KRT17: variants seen among roughly 807,000 people sequenced by gnomAD.
The protein encoded by KRT17 is keratin, type I cytoskeletal 17.
Under a neutral mutation model 45.6 loss-of-function variants are expected in KRT17, and 29 were observed. The observed-to-expected ratio is 0.64, with a 90% CI of 0.47 to 0.87. KRT17 has a LOEUF of 0.87. Among genes scored for constraint, KRT17 ranks in the 40% least tolerant of loss-of-function variants. The pLI is 0.00. For missense variants in KRT17, 536 were observed against 577.8 expected, an observed-to-expected ratio of 0.93 and a Z score of 0.74; for synonymous variants, 219 against 234.6, an observed-to-expected ratio of 0.93 and a Z score of 0.61.
chr17:41,620,510 A>G, intron 7 of KRT17, 26 bp downstream of exon 7: 5 of 1,611,696 alleles, frequency 3.1e-6, no homozygotes, highest in Non-Finnish European at 4.2e-6. Context: ...CCCAACCCCC[A>G]GGGCCGAAGC....
chr17:41,621,518 G>T (rs555535320), intron 4 of KRT17, 75 bp downstream of exon 4: 14 of 1,571,946 alleles, frequency 8.9e-6, no homozygotes, highest in African/African-American at 1.4e-5. Context: ...ACATCTGGCC[G>T]TGGGCTTACT....
rs1271852814 is a variant in KRT17, at chr17:41,622,383, A to C, written c.644T>G (p.Leu215Arg). ...CTCGTGGTTCTTCTTCAGGTAGGCCAGCTCCTCCTTGAGGTTCTCAATCTG... is the reference window on the plus strand; with the variant it reads ...CTCGTGGTTCTTCTTCAGGTAGGCCCGCTCCTCCTTGAGGTTCTCAATCTG... ...EMQIENLKEELAYLKKNHEEE... is the reference protein window; with the variant it reads ...EMQIENLKEERAYLKKNHEEE... The change falls in exon 3 of 8, where the codon CTG becomes CGG. Residue 215 changes from leucine to arginine, a missense_variant. Transcript: ENST00000311208. 1.9e-6 allele frequency: 3 copies of C among 1,613,808 alleles called. No homozygotes were observed. The highest frequency in any genetic ancestry group is 2.5e-6 in the Non-Finnish European group (3 of 1,180,036).
chr17:41,624,280 T>G lies in KRT17; in HGVS notation c.230A>C (p.Asp77Ala). 6.2e-7 allele frequency: 1 copy of G among 1,612,416 alleles called. No homozygotes were observed. Among genetic ancestry groups the G allele is most frequent in the Non-Finnish European group, 8.5e-7 (1 of 1,179,994 alleles). Residue 77 changes from aspartate (D) to alanine (A), a missense_variant, in exon 1 of 8, where the codon GAT becomes GCT. Transcript: ENST00000311208. ...CTTCTCACCTCCAGCCAGCAGCCCA[T>G]CAACACCCCCAAAGCTGCTGCCATA... ...GGYGSSFGGV[D>A]GLLAGGEKAT... is the part of the protein sequence containing the mutation.
At position 41,620,372 on chromosome 17, in the gene KRT17, A is replaced by C. The variant is rs372458722; in HGVS notation, c.1204+164T>G. 175 of 985,024 alleles carry C rather than the reference A, an allele frequency of 1.8e-4. 3 individuals are homozygous for C. In the South Asian group the frequency reaches 7.3e-3, roughly 41 times the overall value. 61.0% of individuals were successfully genotyped at this position (985,024 alleles called of 1,614,324 possible). A position where few individuals can be genotyped will look rare whatever the true frequency, so the allele number is the denominator to read the frequency against. ...GACCAGACAGTGTCTCTCTCATTTG[A>C]TCTTTTCCTGAGTATCAATCCTCAG... On this transcript the variant is annotated intron_variant, in intron 7 of 7. Transcript: ENST00000311208.
At chr17:41,622,929 A>G in intron 2 of KRT17, 21 bp downstream of exon 2, 4 of 1,601,334 alleles carry the variant, frequency 2.5e-6, no homozygotes, top group Non-Finnish European at 3.4e-6. Flanking sequence ...CAGGCTGCCC[A>G]AGGCCACAGC....
Position 41,620,686 on chromosome 17 carries a change from C to T in KRT17, c.1154G>A (p.Arg385His), listed in dbSNP as rs757519907. The T allele has an allele frequency of 1.3e-5, 21 of 1,612,046 alleles. No homozygotes were observed. Among genetic ancestry groups the T allele is most frequent in the Middle Eastern group, 4.4e-4 (2 of 4,556 alleles). The part of the protein sequence containing the change: ...TRLEQEIATY[R>H]RLLEGEDAHL... Reference sequence around the variant, plus strand: ...GGCATCCTCTCCCTCCAGCAGGCGGCGGTAGGTGGCAATCTCCTGCTCCAG... The same window carrying T: ...GGCATCCTCTCCCTCCAGCAGGCGGTGGTAGGTGGCAATCTCCTGCTCCAG... The change falls in exon 6 of 8, where the codon CGC becomes CAC. Residue 385 changes from arginine to histidine, a missense_variant. By Grantham distance (29) the Arg-to-His change is conservative. Transcript: ENST00000311208.
At position 41,622,518 on chromosome 17, in the gene KRT17, TG is replaced by T. The variant is rs1908577682; in HGVS notation, c.516-8del. 3 of 1,612,930 alleles carry T rather than the reference TG, an allele frequency of 1.9e-6. No homozygotes were observed. Among genetic ancestry groups the T allele is most frequent in the Admixed American group, 1.7e-5 (1 of 59,992 alleles). Reference sequence around the variant, plus strand: ...GGCCTGCTCTGTCTCAAACCTGCCGTGGGAATCAGAGACTTCAGCCCAGGCT... The same window carrying T: ...GGCCTGCTCTGTCTCAAACCTGCCGTGGAATCAGAGACTTCAGCCCAGGCT... On this transcript the variant is annotated splice_polypyrimidine_tract_variant and splice_region_variant and intron_variant, in intron 2 of 7. Transcript: ENST00000311208.
At chr17:41,623,502 G>A (rs1350772368) in intron 1 of KRT17, among the ~76,000 whole-genome samples, 2 of 152,168 alleles carry the variant, frequency 1.3e-5, no homozygotes, top group Admixed American at 6.5e-5. Flanking sequence ...CTAACCCTGG[G>A]CGCCAGCCAG....
At chr17:41,621,497 G>A in intron 4 of KRT17, 96 bp downstream of exon 4, 1 of 1,469,218 alleles carries the variant, frequency 6.8e-7, no homozygotes, top group South Asian at 1.1e-5. Flanking sequence ...CTGAGGAGGG[G>A]CACCTCCAAG....
intron 7 of KRT17, 43 bp from the exon 8 acceptor site, chr17:41,619,731 G>A: frequency 6.2e-7 from 1 of 1,611,604 alleles, no homozygotes; most frequent in African/African-American, 1.3e-5. Flanking sequence ...GGGGCCAGGA[G>A]GCCCTCGCTT....
Position 41,624,315 on chromosome 17 carries a change from A to T in KRT17, c.195T>A (p.Ser65=). The T allele has an allele frequency of 6.2e-7, 1 of 1,612,138 alleles. No individual in the cohort carries two copies. The highest frequency in any genetic ancestry group is 8.5e-7 in the Non-Finnish European group (1 of 1,179,942). ...CAAAGCTGCTGCCATAGCCACCACC[A>T]GAGCCAAAGCTGTAGCAGCTGGAGT... The part of the protein sequence containing the change: ...SSYSSCYSFG[S]GGGYGSSFGG... Residue 65 remains serine, a synonymous_variant, in exon 1 of 8, where the codon TCT becomes TCA. Coordinates refer to ENST00000311208, the MANE Select transcript of KRT17 (RefSeq NM_000422.3).
chr17:41,621,664 C>T lies in KRT17; in HGVS notation c.763G>A (p.Glu255Lys), dbSNP rs1292924721. The change falls in exon 4 of 8, where the codon GAG becomes AAG. Residue 255 changes from glutamate (E) to lysine (K), a missense_variant. Transcript: ENST00000311208. ...PGVDLSRILN[E>K]MRDQYEKMAE... ...ATCTTCTCATACTGGTCACGCATCT[C>T]GTTGAGGATGCGGCTCAGGTCCACG... is the stretch of plus-strand genomic sequence containing the variant. 7 of 1,612,250 alleles carry T rather than the reference C, an allele frequency of 4.3e-6. No individual in the cohort carries two copies. The highest frequency in any genetic ancestry group is 5.1e-6 in the Non-Finnish European group (6 of 1,179,858).
chr17:41,624,460 G>A lies in KRT17; in HGVS notation c.50C>T (p.Ser17Phe). 6.2e-7 allele frequency: 1 copy of A among 1,610,546 alleles called. No homozygotes were observed. The highest frequency in any genetic ancestry group is 8.5e-7 in the Non-Finnish European group (1 of 1,179,582). Residue 17 changes from serine to phenylalanine, a missense_variant, in exon 1 of 8, where the codon TCC (serine) becomes TTC (phenylalanine). By Grantham distance (155) the Ser-to-Phe change is radical (BLOSUM62 -2). Coordinates refer to ENST00000311208, the MANE Select transcript of KRT17 (RefSeq NM_000422.3). ...GGACGAGCCGCCCCCCAGGCCGGAG[G>A]AGCCCTTGATGGAGCTGGAGGAGGT... ...QFTSSSSIKG[S>F]SGLGGGSSRT...
At position 41,621,030 on chromosome 17, in the gene KRT17, T is replaced by G; in HGVS notation, c.896A>C (p.Glu299Ala). ...NSELVQSGKS[E>A]ISELRRTMQA... ...CATGGTGCGCCGGAGCTCCGAGATC[T>G]CACTCTTGCCACTCTGCACCAGCTC... The change falls in exon 5 of 8, where the codon GAG (glutamate) becomes GCG (alanine). Residue 299 changes from glutamate (E) to alanine (A), a missense_variant. By Grantham distance (107) the Glu-to-Ala change is moderately radical. Transcript: ENST00000311208. The G allele has an allele frequency of 6.2e-7, 1 of 1,613,484 alleles. No individual in the cohort carries two copies. The highest frequency in any genetic ancestry group is 8.5e-7 in the Non-Finnish European group (1 of 1,179,768).
chr17:41,623,496 C>A (rs1309793236), intron 1 of KRT17, among the ~76,000 whole-genome samples: 1 of 152,168 alleles, frequency 6.6e-6, no homozygotes, highest in East Asian at 1.9e-4. Context: ...TAATCCCTAA[C>A]CCTGGGCGCC....
chr17:41,623,146 G>A (rs1196501388), intron 1 of KRT17, 114 bp from the exon 2 acceptor site: 2 of 817,098 alleles, frequency 2.4e-6, no homozygotes, highest in African/African-American at 3.4e-5. Flanking sequence ...CCCCTCCCTT[G>A]CCCCGTGCTG....
At position 41,620,714 on chromosome 17, in the gene KRT17, G is replaced by T; in HGVS notation, c.1126C>A (p.Arg376=). ...EYKILLDVKT[R]LEQEIATYRR... Reference sequence around the variant, plus strand: ...TAGGTGGCAATCTCCTGCTCCAGCCGCGTCTTCACATCCAGCAGGATTTTG... The same window carrying T: ...TAGGTGGCAATCTCCTGCTCCAGCCTCGTCTTCACATCCAGCAGGATTTTG... Residue 376 remains arginine (R), a synonymous_variant, in exon 6 of 8, where the codon CGG becomes AGG. Transcript: ENST00000311208. 1.2e-6 allele frequency: 2 copies of T among 1,612,166 alleles called. No individual in the cohort carries two copies. The highest frequency in any genetic ancestry group is 2.2e-5 in the East Asian group (1 of 44,878).
intron 3 of KRT17, 92 bp from the exon 4 acceptor site, chr17:41,621,846 C>A: frequency 1.4e-6 from 2 of 1,410,212 alleles, no homozygotes; most frequent in Non-Finnish European, 2.0e-6. Flanking sequence ...CCACTTCCCA[C>A]AAGGACCCCT....
intron 3 of KRT17, 113 bp from the exon 4 acceptor site, chr17:41,621,867 C>G: frequency 8.7e-7 from 1 of 1,144,574 alleles, no homozygotes; most frequent in Non-Finnish European, 1.3e-6. Flanking sequence ...CCTTTGTTCT[C>G]CCTCTGCTCT....
Sources: allele counts gnomAD v4.1 joint callset (sites outside exome capture counted in the v4.1 genomes callset), GRCh38; gene constraint gnomAD v4.1.1; transcripts MANE v1.5; gene names NCBI Gene and HGNC (gene_info 2026-07-23, HGNC 2026-07-21).